The following DOCK2 variants were observed in gnomAD, a reference collection of about 807,000 sequenced individuals.
DOCK2 encodes dedicator of cytokinesis 2.
DOCK2 carries 87 observed loss-of-function variants against 248.9 expected under a neutral mutation model. That is an observed-to-expected ratio of 0.35 (90% CI 0.29 to 0.42). DOCK2 has a LOEUF of 0.42. Ranked by LOEUF, DOCK2 falls within the 10% of genes least tolerant of loss-of-function variation. The pLI, the probability that DOCK2 is intolerant of heterozygous loss-of-function variation, is 1.00. For missense variants in DOCK2, 1,747 were observed against 2,300.2 expected (o/e 0.76, Z 4.92); for synonymous variants, 805 against 821.6 (o/e 0.98, Z 0.35).
chr5:170,010,700 C>G (rs189135751), intron 32 of DOCK2, among the ~76,000 whole-genome samples: 7 of 152,342 alleles, frequency 4.6e-5, no homozygotes, highest in Admixed American at 4.6e-4. Context: ...GTGCTCAACA[C>G]ATGATGGACC....
intron 30 of DOCK2, among the ~76,000 whole-genome samples, chr5:170,006,772 G>A (rs1561877064): frequency 6.6e-6 from 1 of 152,200 alleles, no homozygotes; most frequent in Non-Finnish European, 1.5e-5. Flanking sequence ...GGCAATGCCA[G>A]GGCACCTAGC....
At chr5:169,883,620 G>A in intron 27 of DOCK2, 2 of 1,551,588 alleles carry the variant, frequency 1.3e-6, no homozygotes, top group Non-Finnish European at 1.7e-6. Flanking sequence ...TTGCAATGTT[G>A]CGAAAGCCCC....
intron 25 of DOCK2, among the ~76,000 whole-genome samples, chr5:169,792,383 G>A (rs1294051442): frequency 4.0e-5 from 6 of 150,352 alleles, no homozygotes; most frequent in African/African-American, 1.5e-4. Context: ...TTTTATATAT[G>A]TATACATGTA....
intron 29 of DOCK2, among the ~76,000 whole-genome samples, chr5:169,986,878 T>G (rs111593873): frequency 7.9e-5 from 12 of 152,338 alleles, no homozygotes; most frequent in African/African-American, 2.9e-4. Flanking sequence ...AACCAAGCAT[T>G]GTCTGGCAAA....
At chr5:170,055,983 C>G (rs1757114070) in intron 42 of DOCK2, among the ~76,000 whole-genome samples, 1 of 152,184 alleles carries the variant, frequency 6.6e-6, no homozygotes. Flanking sequence ...CCAGCTCATT[C>G]CCCCTACCCC....
intron 25 of DOCK2, among the ~76,000 whole-genome samples, chr5:169,795,681 A>G (rs1766604692): frequency 6.6e-6 from 1 of 152,216 alleles, no homozygotes; most frequent in Non-Finnish European, 1.5e-5. Flanking sequence ...TCAGACTAGA[A>G]TCATGTCTAT....
intron 42 of DOCK2, chr5:170,056,448 A>G (rs1302127227): frequency 4.4e-6 from 2 of 455,782 alleles, no homozygotes; most frequent in Non-Finnish European, 7.8e-6. Flanking sequence ...TAGGGGTACT[A>G]TGTTCTCAAA....
At position 169,912,125 on chromosome 5, in the gene DOCK2, C is replaced by T. The variant is rs192559789; in HGVS notation, c.2800-70943C>T. Among the ~76,000 whole-genome samples, 696 of 152,220 alleles carry T rather than the reference C, an allele frequency of 4.6e-3. 3 individuals carry two copies. Among genetic ancestry groups the T allele is most frequent in the African/African-American group, 0.016 (652 of 41,542 alleles). On this transcript the variant is annotated intron_variant, in intron 27 of 51. Coordinates refer to ENST00000520908, the MANE Select transcript of DOCK2 (RefSeq NM_004946.3). ...AGCCACTCTTGGTGATACAAGGGAC[C>T]CTGGGTATAAAAAAAGGAAAGCGAC...
intron 21 of DOCK2, 32 bp from the exon 22 acceptor site, chr5:169,718,625 G>T (rs1459252576): frequency 6.3e-7 from 1 of 1,599,986 alleles, no homozygotes; most frequent in South Asian, 1.1e-5. Context: ...TGATGAAAGA[G>T]ATGTATTTTG....
chr5:169,996,908 T>G (rs1754657695), intron 30 of DOCK2, among the ~76,000 whole-genome samples: 2 of 152,052 alleles, frequency 1.3e-5, no homozygotes, highest in South Asian at 4.2e-4. Flanking sequence ...CACCTGTGGG[T>G]GTTTCTCGTA....
intron 1 of DOCK2, among the ~76,000 whole-genome samples, chr5:169,638,778 C>A (rs568278300): frequency 1.3e-5 from 2 of 152,278 alleles, no homozygotes; most frequent in Admixed American, 6.5e-5. Context: ...GACTTCAGAA[C>A]CCCCATGTGA....
intron 22 of DOCK2, among the ~76,000 whole-genome samples, chr5:169,744,718 G>T (rs1281442754): frequency 6.6e-6 from 1 of 152,072 alleles, no homozygotes; most frequent in Non-Finnish European, 1.5e-5. Flanking sequence ...CTGCCATTAA[G>T]ATCACTCCAA....
chr5:170,042,226 C>T, intron 38 of DOCK2, 94 bp downstream of exon 38: 2 of 1,401,348 alleles, frequency 1.4e-6, no homozygotes, highest in Non-Finnish European at 1.9e-6. Flanking sequence ...TCAGCTCTGT[C>T]AGATATCCCT....
At chr5:169,777,166 T>TAG (rs1471854853) in intron 25 of DOCK2, among the ~76,000 whole-genome samples, 8 of 152,266 alleles carry the variant, frequency 5.3e-5, no homozygotes. Flanking sequence ...AACACAAAGG[T>TAG]GCATGCACAC....
At chr5:169,719,790 G>T (rs1762095095) in intron 22 of DOCK2, among the ~76,000 whole-genome samples, 1 of 152,162 alleles carries the variant, frequency 6.6e-6, no homozygotes, top group African/African-American at 2.4e-5. Flanking sequence ...GTCTTGTATA[G>T]TTGTGGTCAT....
At chr5:169,967,800 A>G (rs1489851772) in intron 27 of DOCK2, among the ~76,000 whole-genome samples, 2 of 151,994 alleles carry the variant, frequency 1.3e-5, no homozygotes, top group African/African-American at 4.8e-5. Context: ...GAGAGAAATG[A>G]ACAAACTCAA....
intron 30 of DOCK2, among the ~76,000 whole-genome samples, chr5:170,001,807 T>C (rs940242435): frequency 2.0e-5 from 3 of 152,226 alleles, no homozygotes; most frequent in African/African-American, 7.2e-5. Flanking sequence ...AAATTAATTT[T>C]GTTTAAAATA....
At chr5:169,851,975 G>T (rs1173571727) in intron 27 of DOCK2, among the ~76,000 whole-genome samples, 1 of 152,146 alleles carries the variant, frequency 6.6e-6, no homozygotes, top group African/African-American at 2.4e-5. Context: ...ATATCACCAT[G>T]CCTCGTGTTT....
intron 26 of DOCK2, among the ~76,000 whole-genome samples, chr5:169,806,957 C>A (rs1185272683): frequency 6.7e-6 from 1 of 150,012 alleles, no homozygotes; most frequent in Non-Finnish European, 1.5e-5. Flanking sequence ...TATCCTCATT[C>A]TTCTTGGGTG....
Sources: gnomAD v4.1 joint callset for allele counts (sites outside exome capture counted in the v4.1 genomes callset) on GRCh38, gnomAD v4.1.1 for gene constraint, MANE v1.5 for transcripts, NCBI Gene and HGNC (gene_info 2026-07-23, HGNC 2026-07-21) for gene names.